The following ADD2 variants were observed in gnomAD, a reference collection of about 807,000 sequenced individuals.
ADD2 encodes adducin 2.
ADD2 carries 23 observed loss-of-function variants against 83.0 expected under a neutral mutation model. The ratio of observed to expected loss-of-function variants is 0.28; its 90% CI spans 0.20 to 0.39. The LOEUF (loss-of-function observed/expected upper bound fraction) is 0.39. Among genes scored for constraint, ADD2 ranks in the 10% least tolerant of loss-of-function variants. The probability of loss-of-function intolerance (pLI) is 1.00; values close to 1 mark genes in which losing one functional copy is unlikely to be tolerated. For synonymous variants in ADD2, 375 were observed against 375.4 expected (o/e 1.00, Z 0.01); for missense variants, 758 against 944.9 (o/e 0.80, Z 2.59).
intron 6 of ADD2, among the ~76,000 whole-genome samples, chr2:70,694,281 A>G (rs1216941353): frequency 3.3e-5 from 5 of 152,154 alleles, no homozygotes; most frequent in Non-Finnish European, 2.9e-5. Flanking sequence ...AGGCCTACTA[A>G]GCATAGAGGC....
chr2:70,689,504 A>G (rs1365827678), intron 8 of ADD2, among the ~76,000 whole-genome samples: 1 of 152,248 alleles, frequency 6.6e-6, no homozygotes, highest in Non-Finnish European at 1.5e-5. Flanking sequence ...GTGGCCCACA[A>G]AAAGTACTAC....
chr2:70,722,321 AC>A (rs782577550), intron 1 of ADD2, among the ~76,000 whole-genome samples: 147 of 152,330 alleles, frequency 9.7e-4, no homozygotes, highest in Admixed American at 2.2e-3. Context: ...GAAAAAAAAA[AC>A]ATTGCTAACT....
At chr2:70,673,372 A>G (rs781955639) in intron 14 of ADD2, 1 of 1,574,024 alleles carries the variant, frequency 6.4e-7, no homozygotes, top group South Asian at 1.1e-5. Context: ...CACAGAGCAC[A>G]TCAACGGGTA....
rs75460172 is a variant in ADD2, at chr2:70,731,259, C to T, written c.-153-18075G>A. On this transcript the variant is annotated intron_variant, in intron 1 of 15. Transcript: ENST00000264436. Reference sequence around the variant, plus strand: ...AAGGAGGAAGAAATGTCTGCTTACCCAGGGTCTACACAGGACTACCCTGCC... The same window carrying T: ...AAGGAGGAAGAAATGTCTGCTTACCTAGGGTCTACACAGGACTACCCTGCC... 7.9e-3 allele frequency among the ~76,000 whole-genome samples: 1,204 copies of T among 152,216 alleles called. 10 individuals carry two copies. Among genetic ancestry groups the T allele is most frequent in the East Asian group, 0.04 (209 of 5,168 alleles).
intron 1 of ADD2, among the ~76,000 whole-genome samples, chr2:70,763,766 T>C (rs1394979871): frequency 1.3e-5 from 2 of 151,978 alleles, no homozygotes; most frequent in Admixed American, 6.5e-5. Flanking sequence ...TTATAGGAAA[T>C]TGAGCAGGAG....
intron 15 of ADD2, among the ~76,000 whole-genome samples, chr2:70,668,506 C>T (rs890577000): frequency 2.6e-5 from 4 of 152,200 alleles, no homozygotes; most frequent in Non-Finnish European, 5.9e-5. Context: ...TTTTGAGAGT[C>T]TATTCATCAC....
rs568693965 is a variant in ADD2, at chr2:70,664,985, C to T, written c.1871-1250G>A. Reference sequence around the variant, plus strand: ...GCATATGCGAGGGTGTGAATGTGTGCGAGTGAGTGTGTGACACACCTGTGT... The same window carrying T: ...GCATATGCGAGGGTGTGAATGTGTGTGAGTGAGTGTGTGACACACCTGTGT... On this transcript the variant is annotated intron_variant, in intron 15 of 15. Coordinates refer to ENST00000264436, the MANE Select transcript of ADD2 (RefSeq NM_001617.4). Among the ~76,000 whole-genome samples, 184 of 151,534 alleles carry T rather than the reference C, an allele frequency of 1.2e-3. 1 individual carries two copies. The highest frequency in any genetic ancestry group is 4.3e-3 in the African/African-American group (178 of 41,306).
At chr2:70,717,140 C>A (rs1249899148) in intron 1 of ADD2, among the ~76,000 whole-genome samples, 2 of 151,954 alleles carry the variant, frequency 1.3e-5, no homozygotes, top group African/African-American at 4.8e-5. Flanking sequence ...CTCACTTCCT[C>A]ACACCTCTGC....
chr2:70,678,597 C>G, intron 11 of ADD2, 107 bp downstream of exon 11: 1 of 1,454,532 alleles, frequency 6.9e-7, no homozygotes, highest in South Asian at 1.5e-5. Context: ...GAGGATGCTA[C>G]TAACCTGGGG....
At chr2:70,704,552 G>C (rs1553374113) in intron 3 of ADD2, 93 bp from the exon 4 acceptor site, 2 of 1,505,578 alleles carry the variant, frequency 1.3e-6, no homozygotes, top group Non-Finnish European at 9.0e-7. Flanking sequence ...TTGCCCCTGG[G>C]TCAGCTAGGT....
rs370078692 is a variant in ADD2, at chr2:70,696,380, C to T, written c.339G>A (p.Thr113=). The T allele has an allele frequency of 3.7e-6, 6 of 1,614,030 alleles. No homozygotes were observed. In the African/African-American group the frequency reaches 5.3e-5, roughly 14 times the overall value. ...CAGCTGTGTGGAGGTCATTGATAGG[C>T]GTCATCATGGAGACATCTGCAGGGA... is the stretch of plus-strand genomic sequence containing the variant. ...PTSSMNVSMM[T]PINDLHTADS... The change falls in exon 5 of 16, where the codon ACG becomes ACA. Residue 113 remains threonine, a synonymous_variant. Transcript: ENST00000264436.
chr2:70,701,622 T>A (rs1010421677), intron 4 of ADD2, among the ~76,000 whole-genome samples: 9 of 152,098 alleles, frequency 5.9e-5, no homozygotes, highest in Non-Finnish European at 1.3e-4. Flanking sequence ...CCCAAAAGAA[T>A]TAACTGAGAT....
rs1675587042 is a variant in ADD2, at chr2:70,662,758, C to A, written c.*667G>T. 1 of 152,308 alleles carries A rather than the reference C, an allele frequency of 6.6e-6. No individual in the cohort carries two copies. The allele number at this position is 152,308 out of a possible 1,614,324, so 9.4% of individuals were successfully genotyped here. A position where few individuals can be genotyped will look rare whatever the true frequency, so the allele number is the denominator to read the frequency against. On this transcript the variant is annotated 3_prime_UTR_variant, in exon 16 of 16. Coordinates refer to ENST00000264436, the MANE Select transcript of ADD2 (RefSeq NM_001617.4). ...CCAATCCTCAGCTTACATGGCTTGCCCCTATGCCTACCACCTCTTATAGCT... is the reference window on the plus strand; with the variant it reads ...CCAATCCTCAGCTTACATGGCTTGCACCTATGCCTACCACCTCTTATAGCT...
intron 2 of ADD2, among the ~76,000 whole-genome samples, chr2:70,707,298 C>T (rs563988830): frequency 6.6e-6 from 1 of 152,308 alleles, no homozygotes; most frequent in African/African-American, 2.4e-5. Context: ...TGTTGAGAAA[C>T]AACAACTAAA....
rs1203831687 is a variant in ADD2 at position 70,676,491 on chromosome 2, T to A, written c.1593+305A>T. 1 of 1,321,838 alleles carries A rather than the reference T, an allele frequency of 7.6e-7. No homozygotes were observed. Among genetic ancestry groups the A allele is most frequent in the Admixed American group, 3.3e-5 (1 of 30,050 alleles). The allele number at this position is 1,321,838 out of a possible 1,614,324, so 81.9% of individuals were successfully genotyped here. On this transcript the variant is annotated intron_variant, in intron 13 of 15. Transcript: ENST00000264436. The surrounding 1 kb of genome is among the most constrained non-coding windows in gnomAD (Gnocchi z 4.8). The stretch of plus-strand genomic sequence containing the variant: ...GCCTATGAGTCCCCACTTCACGGGG[T>A]AGTAAGGGAGGACAGAGTGGAGTTC...
rs527320225 is a variant in ADD2, at chr2:70,763,779, A to G, written c.-154+4107T>C. ...TATTATAGGAAATTGAGCAGGAGAG[A>G]GGTTGAATAACTTGCCTAAACTCTC... On this transcript the variant is annotated intron_variant, in intron 1 of 15. Transcript: ENST00000264436. 2.2e-3 allele frequency among the ~76,000 whole-genome samples: 339 copies of G among 152,054 alleles called. 10 individuals are homozygous for G. The highest frequency in any genetic ancestry group is 8.0e-3 in the African/African-American group (331 of 41,320).
Position 70,658,668 on chromosome 2 carries a change from A to G in ADD2, c.*4757T>C, listed in dbSNP as rs1460590398. On this transcript the variant is annotated 3_prime_UTR_variant, in exon 16 of 16. Coordinates refer to ENST00000264436, the MANE Select transcript of ADD2 (RefSeq NM_001617.4). ...AGAGTTCAACTGAGCTCCAGTGATGAGAGAGAATGTAAAAAGACCTGTTTC... is the reference window on the plus strand; with the variant it reads ...AGAGTTCAACTGAGCTCCAGTGATGGGAGAGAATGTAAAAAGACCTGTTTC... 1 of 152,120 alleles carries G rather than the reference A, an allele frequency of 6.6e-6. No individual in the cohort carries two copies. The highest frequency in any genetic ancestry group is 1.5e-5 in the Non-Finnish European group (1 of 68,032). The allele number at this position is 152,120 out of a possible 1,614,324, so 9.4% of individuals were successfully genotyped here.
chr2:70,724,603 T>C (rs926317737), intron 1 of ADD2, among the ~76,000 whole-genome samples: 6 of 152,240 alleles, frequency 3.9e-5, no homozygotes, highest in Non-Finnish European at 8.8e-5. Flanking sequence ...ATCACTCTTG[T>C]GGCTCTAGGC....
chr2:70,756,826 T>G (rs1022948483), intron 1 of ADD2, among the ~76,000 whole-genome samples: 5 of 152,070 alleles, frequency 3.3e-5, no homozygotes, highest in Non-Finnish European at 5.9e-5. Context: ...CTTGAGGGTT[T>G]TTTGTTTGTT....
Sources: allele counts gnomAD v4.1 joint callset (sites outside exome capture counted in the v4.1 genomes callset), GRCh38; gene constraint gnomAD v4.1.1; non-coding constraint Gnocchi (gnomAD v3.1); transcripts MANE v1.5; gene names NCBI Gene and HGNC (gene_info 2026-07-23, HGNC 2026-07-21).